Variants in CACNA1B observed in about 807,000 individuals in gnomAD.
CACNA1B encodes voltage-dependent N-type calcium channel subunit alpha-1B.
Under a neutral mutation model 247.2 loss-of-function variants are expected in CACNA1B, and 70 were observed. That is an observed-to-expected ratio of 0.28 (90% CI 0.23 to 0.35). CACNA1B has a LOEUF of 0.35. CACNA1B is among the 10% of genes least tolerant of loss of function. CACNA1B has a pLI of 1.00. For synonymous variants in CACNA1B, 1,231 were observed against 1,294.4 expected, an observed-to-expected ratio of 0.95 and a Z score of 1.05; for missense variants, 2,367 against 3,197.4, an observed-to-expected ratio of 0.74 and a Z score of 6.26.
chr9:138,103,184 A>G (rs1188751150), intron 38 of CACNA1B, among the ~76,000 whole-genome samples: 1 of 152,184 alleles, frequency 6.6e-6, no homozygotes, highest in Admixed American at 6.5e-5. Flanking sequence ...TTCTGGGCTC[A>G]GAACAAAGCC....
At chr9:137,925,782 G>T (rs1254483699) in intron 6 of CACNA1B, among the ~76,000 whole-genome samples, 1 of 147,750 alleles carries the variant, frequency 6.8e-6, no homozygotes. Flanking sequence ...TTGCTCTGTC[G>T]CCCAGGCTGG....
intron 1 of CACNA1B, 111 bp from the exon 2 acceptor site, chr9:137,878,943 C>T: frequency 1.5e-6 from 1 of 665,316 alleles, no homozygotes; most frequent in South Asian, 1.8e-5. Flanking sequence ...ACCCAGTTGT[C>T]TCAGCCCCTC....
At chr9:137,912,216 C>A (rs1006704413) in intron 3 of CACNA1B, among the ~76,000 whole-genome samples, 3 of 152,204 alleles carry the variant, frequency 2.0e-5, no homozygotes, top group African/African-American at 7.2e-5. Context: ...GCGTGATACT[C>A]AAAGCTATTG....
chr9:137,928,573 G>T (rs576173217), intron 6 of CACNA1B, among the ~76,000 whole-genome samples: 2 of 152,194 alleles, frequency 1.3e-5, no homozygotes, highest in South Asian at 4.1e-4. Flanking sequence ...AACTCTCTGG[G>T]CTTAGAAATT....
intron 3 of CACNA1B, among the ~76,000 whole-genome samples, chr9:137,886,714 G>T (rs1416644650): frequency 1.3e-5 from 2 of 151,542 alleles, no homozygotes; most frequent in African/African-American, 4.8e-5. Flanking sequence ...CAGTCGGCGG[G>T]TGGACGGATG....
At chr9:137,883,151 C>G in intron 3 of CACNA1B, 1 of 448,842 alleles carries the variant, frequency 2.2e-6, no homozygotes, top group Non-Finnish European at 4.1e-6. Context: ...GCGCACAGGC[C>G]AGGGGCCACC....
Position 137,952,288 on chromosome 9 carries a change from C to T in CACNA1B, c.981C>T (p.Ala327=), listed in dbSNP as rs753807595. 22 of 1,613,518 alleles carry T rather than the reference C, an allele frequency of 1.4e-5. No homozygotes were observed. The highest frequency in any genetic ancestry group is 1.6e-4 in the Middle Eastern group (1 of 6,084). ...TDILYNTNDA[A]GNTWNWLYFI... is the part of the protein sequence containing the mutation. The stretch of plus-strand genomic sequence containing the variant: ...CTTGCTTCCAGACAAACGATGCGGC[C>T]GGCAACACCTGGAACTGGCTCTACT... The change falls in exon 7 of 47, where the codon GCC becomes GCT. Residue 327 remains alanine (A), a synonymous_variant. Transcript: ENST00000371372. This position sits in a 1 kb window ranked among gnomAD's most constrained non-coding sequence, Gnocchi z 4.8.
chr9:137,922,810 G>A (rs1022964387), intron 6 of CACNA1B, among the ~76,000 whole-genome samples: 1 of 152,092 alleles, frequency 6.6e-6, no homozygotes, highest in African/African-American at 2.4e-5. Flanking sequence ...TATAGTCAGG[G>A]TCACAGTTAG....
chr9:137,909,901 G>T (rs1957341812), intron 3 of CACNA1B, among the ~76,000 whole-genome samples: 1 of 152,018 alleles, frequency 6.6e-6, no homozygotes, highest in East Asian at 1.9e-4. Flanking sequence ...CTCCCAAGTG[G>T]TTGGGATTAC....
chr9:138,102,422 A>T lies in CACNA1B; in HGVS notation c.5223-289A>T, dbSNP rs1961281712. ...CGATGCAGCCCTTCCTCACCCCTCC[A>T]TGTTCATTAGCTCAGACGCCACCCC... is the stretch of plus-strand genomic sequence containing the variant. On this transcript the variant is annotated intron_variant, in intron 37 of 46. Transcript: ENST00000371372. The surrounding 1 kb of genome is among the most constrained non-coding windows in gnomAD (Gnocchi z 5.4). 6.6e-6 allele frequency among the ~76,000 whole-genome samples: 1 copy of T among 151,824 alleles called. No individual in the cohort carries two copies. The highest frequency in any genetic ancestry group is 2.1e-4 in the South Asian group (1 of 4,802).
At chr9:138,086,964 A>AT (rs1490235542) in intron 36 of CACNA1B, among the ~76,000 whole-genome samples, 6 of 150,238 alleles carry the variant, frequency 4.0e-5, no homozygotes, top group African/African-American at 7.5e-5. Flanking sequence ...TGTATCAAGT[A>AT]TTTTTTCTAA....
At chr9:138,042,032 A>G (rs1466848053) in intron 20 of CACNA1B, among the ~76,000 whole-genome samples, 3 of 152,158 alleles carry the variant, frequency 2.0e-5, no homozygotes, top group South Asian at 2.1e-4. Context: ...TGGCCTCCCA[A>G]CGTGCTGGGA....
intron 36 of CACNA1B, among the ~76,000 whole-genome samples, chr9:138,086,039 C>T (rs542626430): frequency 4.6e-5 from 7 of 150,878 alleles, no homozygotes; most frequent in South Asian, 2.1e-4. Flanking sequence ...ACCACTAAAC[C>T]GTAATGATAA....
intron 20 of CACNA1B, among the ~76,000 whole-genome samples, chr9:138,038,792 C>T (rs1206167636): frequency 6.6e-6 from 1 of 152,194 alleles, no homozygotes; most frequent in African/African-American, 2.4e-5. Context: ...ACTGGAGATG[C>T]CCTGGCTACT....
intron 15 of CACNA1B, among the ~76,000 whole-genome samples, chr9:138,000,770 A>G (rs1015445413): frequency 6.6e-6 from 1 of 152,214 alleles, no homozygotes; most frequent in African/African-American, 2.4e-5. Context: ...ATATCGCCCA[A>G]CACGGCAGGT....
In CACNA1B at chr9:137,971,520, G is replaced by C. The variant is rs371923901; in HGVS notation, c.1471G>C (p.Val491Leu). The C allele has an allele frequency of 1.9e-6, 3 of 1,613,812 alleles. No homozygotes were observed. The highest frequency in any genetic ancestry group is 1.7e-6 in the Non-Finnish European group (2 of 1,179,820). ...GAGCTTCTACTGGGTGGTGCTGTGC[G>C]TGGTGGCCCTGAACACACTGTGTGT... is the stretch of plus-strand genomic sequence containing the variant. ...AQSFYWVVLCVVALNTLCVAM... is the reference protein window; with the variant it reads ...AQSFYWVVLCLVALNTLCVAM... The change falls in exon 11 of 47, where the codon GTG (valine) becomes CTG (leucine). Residue 491 changes from valine (V) to leucine (L), a missense_variant. This residue lies in a region of CACNA1B where 219 missense variants were observed against 297.6 expected (regional missense o/e 0.74). Transcript: ENST00000371372. The surrounding 1 kb of genome is among the most constrained non-coding windows in gnomAD (Gnocchi z 4.4).
chr9:137,920,751 G>T (rs1434913597), intron 6 of CACNA1B, among the ~76,000 whole-genome samples: 1 of 152,218 alleles, frequency 6.6e-6, no homozygotes, highest in Non-Finnish European at 1.5e-5. Flanking sequence ...AAAGTGTTCA[G>T]ATCCATAGCT....
Position 137,882,918 on chromosome 9 carries a change from A to C in CACNA1B, c.530+35A>C, listed in dbSNP as rs1110146. The C allele has an allele frequency of 0.3, 456,937 of 1,499,752 alleles. 79,895 individuals carry two copies. Among genetic ancestry groups the C allele is most frequent in the African/African-American group, 0.63 (44,974 of 71,188 alleles). 92.9% of individuals were successfully genotyped at this position (1,499,752 alleles called of 1,614,324 possible). ...CTGAGGCCAGGAGGCCCAGCGTGTG[A>C]GGCCCGGGCGTGTGCTCTCTGAAGC... On this transcript the variant is annotated intron_variant, in intron 3 of 46. Coordinates refer to ENST00000371372, the MANE Select transcript of CACNA1B (RefSeq NM_000718.4). This position sits in a 1 kb window ranked among gnomAD's most constrained non-coding sequence, Gnocchi z 4.0.
Position 138,120,215 on chromosome 9 carries a change from G to A in CACNA1B, c.6081G>A (p.Gln2027=), listed in dbSNP as rs981310991. ...AGCGCTCCATCTCCACGCTGGCCCA[G>A]CGGCCCCGTGGGACTCATCTTTGCA... is the stretch of plus-strand genomic sequence containing the variant. The part of the protein sequence containing the change: ...PMKRSISTLA[Q]RPRGTHLCST... The change falls in exon 45 of 47, where the codon CAG becomes CAA. Residue 2027 remains glutamine (Q), a synonymous_variant. Coordinates refer to ENST00000371372, the MANE Select transcript of CACNA1B (RefSeq NM_000718.4). The A allele has an allele frequency of 6.2e-7, 1 of 1,608,726 alleles. No homozygotes were observed.
Sources: gnomAD v4.1 joint callset for allele counts (sites outside exome capture counted in the v4.1 genomes callset) on GRCh38, gnomAD v4.1.1 for gene constraint, gnomAD v4.1.1 regional missense constraint, Gnocchi (gnomAD v3.1) non-coding constraint, MANE v1.5 for transcripts, NCBI Gene and HGNC (gene_info 2026-07-23, HGNC 2026-07-21) for gene names.